The following GLRA3 variants were observed in gnomAD, a reference collection of about 807,000 sequenced individuals.
The protein encoded by GLRA3 is glycine receptor alpha 3.
Under a neutral mutation model 60.4 loss-of-function variants are expected in GLRA3, and 44 were observed. That is an observed-to-expected ratio of 0.73 (90% CI 0.57 to 0.94). The LOEUF is 0.94. Ranked by LOEUF, GLRA3 falls within the 40% of genes least tolerant of loss-of-function variation. The probability of loss-of-function intolerance (pLI) is 0.00; values close to 1 mark genes in which losing one functional copy is unlikely to be tolerated. For synonymous variants in GLRA3, 223 were observed against 192.9 expected, an observed-to-expected ratio of 1.16 and a Z score of -1.29; for missense variants, 508 against 564.6, an observed-to-expected ratio of 0.90 and a Z score of 1.02.
chr4:174,783,844 G>A (rs1739000442), intron 2 of GLRA3, among the ~76,000 whole-genome samples: 1 of 152,230 alleles, frequency 6.6e-6, no homozygotes, highest in Non-Finnish European at 1.5e-5. Context: ...GGATGTGGAG[G>A]AATAGGAACA....
Position 174,640,536 on chromosome 4 carries a change from G to T in GLRA3, c.*3250C>A, listed in dbSNP as rs897996564. On this transcript the variant is annotated 3_prime_UTR_variant, in exon 10 of 10. Coordinates refer to ENST00000274093, the MANE Select transcript of GLRA3 (RefSeq NM_006529.4). ...AAATGTTCAGAAAAAGGGATGTATA[G>T]TATGGAAGATACATCTAAATCTTTT... 3.9e-5 allele frequency: 6 copies of T among 152,086 alleles called. No individual in the cohort carries two copies. The highest frequency in any genetic ancestry group is 3.3e-4 in the Admixed American group (5 of 15,246). The allele number at this position is 152,086 out of a possible 1,614,324, so 9.4% of individuals were successfully genotyped here. A position where few individuals can be genotyped will look rare whatever the true frequency, so the allele number is the denominator to read the frequency against.
chr4:174,815,605 A>G (rs1000666655), intron 1 of GLRA3, among the ~76,000 whole-genome samples: 1 of 152,162 alleles, frequency 6.6e-6, no homozygotes, highest in African/African-American at 2.4e-5. Flanking sequence ...GTGCACCCAC[A>G]TGCTCAACAC....
chr4:174,694,216 C>G (rs548632819), intron 5 of GLRA3, among the ~76,000 whole-genome samples: 1 of 152,142 alleles, frequency 6.6e-6, no homozygotes. Context: ...AGAATGTAAA[C>G]TCGACATTGG....
chr4:174,794,039 C>T (rs1489248646), intron 1 of GLRA3, among the ~76,000 whole-genome samples: 1 of 151,976 alleles, frequency 6.6e-6, no homozygotes, highest in Admixed American at 6.5e-5. Flanking sequence ...TTCATTCATG[C>T]AAATCATATC....
At chr4:174,819,998 T>C (rs1361821953) in intron 1 of GLRA3, among the ~76,000 whole-genome samples, 10 of 152,252 alleles carry the variant, frequency 6.6e-5, no homozygotes, top group African/African-American at 1.2e-4. Flanking sequence ...AGCAATTTTC[T>C]ACAACTATTA....
At chr4:174,707,562 T>C (rs545973007) in intron 5 of GLRA3, among the ~76,000 whole-genome samples, 1 of 152,090 alleles carries the variant, frequency 6.6e-6, no homozygotes, top group South Asian at 2.1e-4. Context: ...TTAGGCCAAT[T>C]TTAATACATG....
chr4:174,641,598 T>C lies in GLRA3; in HGVS notation c.*2188A>G, dbSNP rs1732626153. 6.6e-6 allele frequency: 1 copy of C among 152,084 alleles called. No individual in the cohort carries two copies. Among genetic ancestry groups the C allele is most frequent in the African/African-American group, 2.4e-5 (1 of 41,456 alleles). 9.4% of individuals were successfully genotyped at this position (152,084 alleles called of 1,614,324 possible). On this transcript the variant is annotated 3_prime_UTR_variant, in exon 10 of 10. Transcript: ENST00000274093. ...AATGTACCAACGTCCTTGTTGACAA[T>C]ATTGTCTCATGTTTGGTATTTTCAC...
At chr4:174,752,259 C>T (rs1323502562) in intron 3 of GLRA3, among the ~76,000 whole-genome samples, 1 of 152,046 alleles carries the variant, frequency 6.6e-6, no homozygotes, top group Non-Finnish European at 1.5e-5. Context: ...CAGAAAAACA[C>T]AAGAGAAGCT....
chr4:174,823,304 C>T (rs1032283760), intron 1 of GLRA3, among the ~76,000 whole-genome samples: 51 of 152,244 alleles, frequency 3.3e-4, no homozygotes, highest in African/African-American at 1.2e-3. Flanking sequence ...GCGGGTGGAC[C>T]GCGAGGTCAG....
intron 5 of GLRA3, among the ~76,000 whole-genome samples, chr4:174,690,344 G>C (rs1734746433): frequency 6.6e-6 from 1 of 151,938 alleles, no homozygotes; most frequent in African/African-American, 2.4e-5. Flanking sequence ...TCAATTCTGA[G>C]AGAATAACAT....
At chr4:174,779,219 G>A (rs937631149) in intron 2 of GLRA3, among the ~76,000 whole-genome samples, 65 of 152,186 alleles carry the variant, frequency 4.3e-4, no homozygotes, top group Middle Eastern at 3.4e-3. Flanking sequence ...CACCTCACAC[G>A]GCAGGGTACT....
intron 1 of GLRA3, among the ~76,000 whole-genome samples, chr4:174,822,561 C>A (rs1740781614): frequency 1.3e-5 from 2 of 152,172 alleles, no homozygotes; most frequent in Non-Finnish European, 2.9e-5. Flanking sequence ...TAAGGGATGA[C>A]CACCTGTTGA....
intron 4 of GLRA3, among the ~76,000 whole-genome samples, chr4:174,720,346 T>C (rs187830684): frequency 2.4e-4 from 37 of 152,340 alleles, no homozygotes; most frequent in Non-Finnish European, 2.8e-4. Flanking sequence ...TACTTTTCTT[T>C]AAAGGTAAAA....
intron 3 of GLRA3, among the ~76,000 whole-genome samples, chr4:174,760,001 T>C (rs1388144591): frequency 1.3e-5 from 2 of 152,136 alleles, no homozygotes; most frequent in African/African-American, 4.8e-5. Flanking sequence ...CAAGGTTAAA[T>C]TTTGTGAATT....
chr4:174,642,277 T>C lies in GLRA3; in HGVS notation c.*1509A>G, dbSNP rs1436280664. On this transcript the variant is annotated 3_prime_UTR_variant, in exon 10 of 10. Transcript: ENST00000274093. ...TTGAAAGTGGTTGAAGGGTAGAAAA[T>C]AGCATCTTGTTAAAGAACTGGCTTT... is the stretch of plus-strand genomic sequence containing the variant. The C allele has an allele frequency of 1.1e-6, 1 of 943,760 alleles. No homozygotes were observed. The highest frequency in any genetic ancestry group is 1.3e-6 in the Non-Finnish European group (1 of 792,044). The allele number at this position is 943,760 out of a possible 1,614,324, so 58.5% of individuals were successfully genotyped here.
chr4:174,740,604 T>G (rs1287911350), intron 3 of GLRA3, among the ~76,000 whole-genome samples: 1 of 152,210 alleles, frequency 6.6e-6, no homozygotes, highest in Non-Finnish European at 1.5e-5. Context: ...TTTAAGCCAT[T>G]TTATTGTTGA....
intron 2 of GLRA3, among the ~76,000 whole-genome samples, chr4:174,778,680 G>A (rs1321589964): frequency 6.6e-6 from 1 of 152,250 alleles, no homozygotes; most frequent in Non-Finnish European, 1.5e-5. Context: ...CAAGGGGTCA[G>A]GGAGTTCCCT....
At chr4:174,750,629 A>G (rs1208543795) in intron 3 of GLRA3, among the ~76,000 whole-genome samples, 1 of 152,128 alleles carries the variant, frequency 6.6e-6, no homozygotes, top group African/African-American at 2.4e-5. Context: ...CCAGATTTCA[A>G]TAGTGATAAT....
intron 3 of GLRA3, 109 bp downstream of exon 3, chr4:174,766,853 AT>A: frequency 1.6e-6 from 1 of 606,838 alleles, no homozygotes; most frequent in Non-Finnish European, 3.0e-6. Context: ...TTAATTTTAC[AT>A]TTTAAAATCT....
Sources: allele counts gnomAD v4.1 joint callset (sites outside exome capture counted in the v4.1 genomes callset), GRCh38; gene constraint gnomAD v4.1.1; transcripts MANE v1.5; gene names NCBI Gene and HGNC (gene_info 2026-07-23, HGNC 2026-07-21).